CADPS2: variants seen among roughly 807,000 people sequenced by gnomAD.
The protein encoded by CADPS2 is calcium dependent secretion activator 2.
Under a neutral mutation model 172.5 loss-of-function variants are expected in CADPS2, and 93 were observed. That is an observed-to-expected ratio of 0.54 (90% CI 0.46 to 0.64). The LOEUF is 0.64. CADPS2 is among the 30% of genes least tolerant of loss of function. CADPS2 has a pLI of 0.00. For synonymous variants in CADPS2, 546 were observed against 555.2 expected (o/e 0.98, Z 0.23); for missense variants, 1,420 against 1,565.9 (o/e 0.91, Z 1.57).
intron 2 of CADPS2, among the ~76,000 whole-genome samples, chr7:122,680,734 C>T (rs1254400401): frequency 6.6e-6 from 1 of 152,024 alleles, no homozygotes; most frequent in African/African-American, 2.4e-5. Flanking sequence ...AATAAAACAT[C>T]TAAAAAACTA....
chr7:122,552,596 C>A (rs542952983), intron 8 of CADPS2, among the ~76,000 whole-genome samples: 31 of 152,078 alleles, frequency 2.0e-4, no homozygotes, highest in African/African-American at 7.0e-4. Context: ...GTATGCTAAA[C>A]CAAGGAACTG....
chr7:122,686,191 A>T (rs1221416665), intron 2 of CADPS2, among the ~76,000 whole-genome samples: 1 of 152,140 alleles, frequency 6.6e-6, no homozygotes, highest in Non-Finnish European at 1.5e-5. Context: ...TATAAATTGC[A>T]AATTATCTAA....
At chr7:122,830,582 A>T (rs944067686) in intron 1 of CADPS2, among the ~76,000 whole-genome samples, 2 of 152,230 alleles carry the variant, frequency 1.3e-5, no homozygotes, top group Non-Finnish European at 2.9e-5. Flanking sequence ...ATTTTTCAAC[A>T]ATTTGCATAT....
At position 122,663,401 on chromosome 7, in the gene CADPS2, C is replaced by T. The variant is rs746097190; in HGVS notation, c.622G>A (p.Asp208Asn). ...TCCTCTTCACCTCTGTAAATGGCAT[C>T]ATATTTGGCTATCCATGAGCTCAAC... ...TVLSSWIAKY[D>N]AIYRGEEDLC... Residue 208 changes from aspartate (D) to asparagine (N), a missense_variant, in exon 3 of 30, where the codon GAT becomes AAT. By Grantham distance (23) the Asp-to-Asn change is conservative. Transcript: ENST00000449022. The T allele has an allele frequency of 6.2e-7, 1 of 1,613,912 alleles. No homozygotes were observed. Among genetic ancestry groups the T allele is most frequent in the Non-Finnish European group, 8.5e-7 (1 of 1,179,884 alleles).
intron 2 of CADPS2, among the ~76,000 whole-genome samples, chr7:122,675,029 AT>A (rs1181406092): frequency 2.0e-5 from 3 of 152,174 alleles, no homozygotes; most frequent in East Asian, 3.9e-4. Flanking sequence ...AAATACCAGT[AT>A]TTTTTTTACG....
At chr7:122,848,602 G>A (rs1395349544) in intron 1 of CADPS2, among the ~76,000 whole-genome samples, 2 of 152,174 alleles carry the variant, frequency 1.3e-5, no homozygotes, top group Admixed American at 6.5e-5. Flanking sequence ...GCAAAACTGC[G>A]ATTCAAACAT....
At chr7:122,840,554 A>G (rs1341289754) in intron 1 of CADPS2, among the ~76,000 whole-genome samples, 1 of 2,432 alleles carries the variant, frequency 4.1e-4, no homozygotes, top group African/African-American at 2.3e-3. Context: ...TTTTAAATGC[A>G]AAAAAAAAAA....
At chr7:122,337,427 C>T (rs2036025082) in intron 28 of CADPS2, among the ~76,000 whole-genome samples, 6 of 152,160 alleles carry the variant, frequency 3.9e-5, no homozygotes, top group African/African-American at 9.7e-5. Context: ...ATTTCTTGAA[C>T]ATTCTTTTGA....
chr7:122,481,178 T>G (rs2057258227), intron 11 of CADPS2, among the ~76,000 whole-genome samples: 1 of 147,654 alleles, frequency 6.8e-6, no homozygotes, highest in Non-Finnish European at 1.5e-5. Context: ...TTTTTTTTTT[T>G]TTTTTTTGAC....
At chr7:122,777,631 G>C (rs902939401) in intron 1 of CADPS2, among the ~76,000 whole-genome samples, 2 of 152,072 alleles carry the variant, frequency 1.3e-5, no homozygotes, top group African/African-American at 4.8e-5. Context: ...TTACCTCCAT[G>C]CTATTCTCAT....
At chr7:122,885,689 C>T (rs1365105516) in intron 1 of CADPS2, among the ~76,000 whole-genome samples, 1 of 152,174 alleles carries the variant, frequency 6.6e-6, no homozygotes. Context: ...GAGTTGCATT[C>T]TAATCCGGCC....
chr7:122,768,688 G>A (rs2093625527), intron 1 of CADPS2, among the ~76,000 whole-genome samples: 1 of 152,088 alleles, frequency 6.6e-6, no homozygotes, highest in African/African-American at 2.4e-5. Context: ...AAATCATACT[G>A]TGGATAATTA....
At position 122,437,808 on chromosome 7, in the gene CADPS2, G is replaced by GA. The variant is rs3069346; in HGVS notation, c.2476+532dup. On this transcript the variant is annotated intron_variant, in intron 17 of 29. Transcript: ENST00000449022. ...CCTTAATGAATAAAGCCTGAAGAAA[G>GA]AAAAAAAAAAAAAGCACAGTTCTCT... 2.8e-3 allele frequency among the ~76,000 whole-genome samples: 378 copies of GA among 135,990 alleles called. 1 individual carries two copies. The highest frequency in any genetic ancestry group is 7.6e-3 in the African/African-American group (279 of 36,928). The allele number at this position is 135,990 out of a possible 152,430, so 89.2% of individuals were successfully genotyped here.
chr7:122,475,217 GTA>G (rs3069349), intron 12 of CADPS2, among the ~76,000 whole-genome samples: 2,062 of 152,260 alleles, frequency 0.014, 47 homozygotes, highest in African/African-American at 0.046. Context: ...TTCATTAATG[GTA>G]TGTTTTGTCA....
intron 3 of CADPS2, among the ~76,000 whole-genome samples, chr7:122,634,203 A>T (rs2076840863): frequency 6.6e-6 from 1 of 152,054 alleles, no homozygotes; most frequent in Non-Finnish European, 1.5e-5. Context: ...GAGTTAGGGA[A>T]GATTTTTAAA....
At chr7:122,732,945 C>G (rs1449047366) in intron 2 of CADPS2, among the ~76,000 whole-genome samples, 2 of 138,974 alleles carry the variant, frequency 1.4e-5, no homozygotes, top group Non-Finnish European at 3.1e-5. Flanking sequence ...TATACAGATT[C>G]AGAAATGGCT....
chr7:122,413,937 C>G (rs377488845), intron 19 of CADPS2, 131 bp downstream of exon 19: 1 of 739,344 alleles, frequency 1.4e-6, no homozygotes, highest in Non-Finnish European at 2.2e-6. Context: ...CAAAGAAAAA[C>G]AGACATTCTG....
intron 2 of CADPS2, chr7:122,676,497 G>A (rs1160486117): frequency 4.8e-6 from 2 of 415,668 alleles, no homozygotes; most frequent in Non-Finnish European, 8.4e-6. Flanking sequence ...GCTGTATCTC[G>A]ACTGCTCACT....
intron 1 of CADPS2, among the ~76,000 whole-genome samples, chr7:122,788,035 A>G (rs1282031200): frequency 2.0e-5 from 3 of 152,192 alleles, no homozygotes; most frequent in East Asian, 3.9e-4. Context: ...AGAGCACACT[A>G]TGGGAGACTG....
Sources: allele counts gnomAD v4.1 joint callset (sites outside exome capture counted in the v4.1 genomes callset), GRCh38; gene constraint gnomAD v4.1.1; transcripts MANE v1.5; gene names NCBI Gene and HGNC (gene_info 2026-07-23, HGNC 2026-07-21).